The following TUBB8 variants were observed in gnomAD, a reference collection of about 807,000 sequenced individuals.
The protein encoded by TUBB8 is tubulin beta 8 class VIII, also known as tubulin beta-8 chain.
In TUBB8, 25 loss-of-function variants were observed where a neutral mutation model predicts 33.7. The observed-to-expected ratio is 0.74, with a 90% confidence interval of 0.54 to 1.04. The LOEUF (loss-of-function observed/expected upper bound fraction) is 1.04, where lower values mean the gene tolerates loss of function less well. Ranked by LOEUF, TUBB8 falls within the 50% of genes least tolerant of loss-of-function variation. TUBB8 has a pLI of 0.00. For synonymous variants in TUBB8, 245 were observed against 240.1 expected (o/e 1.02, Z -0.19); for missense variants, 279 against 608.0 (o/e 0.46, Z 5.69).
At chr10:71,582 T>C (rs575174111) in intron 1 of TUBB8, among the ~76,000 whole-genome samples, 1 of 150,558 alleles carries the variant, frequency 6.6e-6, no homozygotes, top group East Asian at 2.0e-4. Context: ...GATCTCACCA[T>C]TGCACTCCAG....
upstream of TUBB8, among the ~76,000 whole-genome samples, chr10:74,640 A>AAG (rs1834785533): frequency 6.8e-6 from 1 of 148,078 alleles, no homozygotes; most frequent in Non-Finnish European, 1.5e-5. Context: ...AAAAAAAAAA[A>AAG]AAAGAAAGAA....
At chr10:51,031 A>C (rs1356671091), upstream of TUBB8, among the ~76,000 whole-genome samples, 2 of 152,214 alleles carry the variant, frequency 1.3e-5, no homozygotes, top group African/African-American at 4.8e-5. Flanking sequence ...CCTAATTCCC[A>C]TATATTGTGG....
In TUBB8 at chr10:47,111, A is replaced by T. The variant is rs781927898; in HGVS notation, c.1281T>A (p.Asp427Glu). 9 of 1,498,498 alleles carry T rather than the reference A, an allele frequency of 6.0e-6. No individual in the cohort carries two copies. The highest frequency in any genetic ancestry group is 8.3e-6 in the Non-Finnish European group (9 of 1,081,344). 92.8% of individuals were successfully genotyped at this position (1,498,498 alleles called of 1,614,324 possible). The change falls in exon 4 of 4, where the codon GAT (aspartate) becomes GAA (glutamate). Residue 427 changes from aspartate (D) to glutamate (E), a missense_variant. This residue lies in a region of TUBB8 where 123 missense variants were observed against 228.9 expected (regional missense o/e 0.54). Transcript: ENST00000568584. Reference protein sequence around the residue: ...DLVSEYQQYQDATAEEEEDEE... With the variant: ...DLVSEYQQYQEATAEEEEDEE... ...CATCCTCCTCCTCCTCGGCCGTGGC[A>T]TCCTGATATTGCTGATATTCAGACA...
chr10:49,431 A>G (rs565228221), upstream of TUBB8: 510 of 711,364 alleles, frequency 7.2e-4, no homozygotes, highest in Middle Eastern at 2.2e-3. Context: ...GGCGCTGAAC[A>G]TCTGTTGGAA....
At chr10:61,435 C>T (rs1229353781) in intron 1 of TUBB8, among the ~76,000 whole-genome samples, 10 of 152,076 alleles carry the variant, frequency 6.6e-5, no homozygotes, top group Non-Finnish European at 1.3e-4. Flanking sequence ...ATTTTTTAAT[C>T]GATTTCTAGT....
chr10:52,081 T>C (rs1554739639), upstream of TUBB8, among the ~76,000 whole-genome samples: 1 of 152,240 alleles, frequency 6.6e-6, no homozygotes, highest in African/African-American at 2.4e-5. Context: ...TCCATTCTTC[T>C]CAATGTTCCC....
intron 1 of TUBB8, among the ~76,000 whole-genome samples, chr10:63,716 A>G (rs1834631527): frequency 6.6e-6 from 1 of 152,194 alleles, no homozygotes; most frequent in Non-Finnish European, 1.5e-5. Context: ...ATTTCTTCGA[A>G]TTACCTCAAC....
At position 48,793 on chromosome 10, in the gene TUBB8, G is replaced by A. The variant is rs368865511; in HGVS notation, c.166+11C>T. ...CCCAGGAGGGCGGTGGGGGAAGGAC[G>A]GGGGTCTCACCGCTGGCCTCGTTGT... On this transcript the variant is annotated intron_variant, in intron 2 of 3. Transcript: ENST00000568584. The A allele has an allele frequency of 6.8e-6, 11 of 1,611,274 alleles. No homozygotes were observed. The highest frequency in any genetic ancestry group is 1.8e-4 in the Middle Eastern group (1 of 5,422).
At chr10:68,811 G>A (rs1227760421) in intron 1 of TUBB8, among the ~76,000 whole-genome samples, 2 of 143,124 alleles carry the variant, frequency 1.4e-5, no homozygotes, top group African/African-American at 5.4e-5. Context: ...ATCCAATCCA[G>A]GGACCCATTT....
upstream of TUBB8, among the ~76,000 whole-genome samples, chr10:52,147 C>T (rs11252127): frequency 0.23 from 34,625 of 151,532 alleles, 3,116 homozygotes; most frequent in Middle Eastern, 0.34. Flanking sequence ...ACCCCCAGGT[C>T]TCTACTTTGG....
At position 48,382 on chromosome 10, in the gene TUBB8, C is replaced by T. The variant is rs868933397; in HGVS notation, c.277+233G>A. 3.8e-5 allele frequency: 24 copies of T among 635,732 alleles called. No individual in the cohort carries two copies. The Middle Eastern group carries it at 1.7e-3, about 46-fold the overall frequency. 39.4% of individuals were successfully genotyped at this position (635,732 alleles called of 1,614,324 possible). On this transcript the variant is annotated intron_variant, in intron 3 of 3. Coordinates refer to ENST00000568584, the MANE Select transcript of TUBB8 (RefSeq NM_177987.3). ...TCAGGAAAGGCAGTAGCCACGGCCC[C>T]AGCTCAGGTTCTTGCAGGGAGTTTA...
rs376645417 is a variant in TUBB8, at chr10:68,051, A to C, written c.-846+5918T>G. 7.2e-5 allele frequency among the ~76,000 whole-genome samples: 11 copies of C among 152,362 alleles called. No individual in the cohort carries two copies. The East Asian group carries it at 2.1e-3, about 29-fold the overall frequency. On this transcript the variant is annotated intron_variant, in intron 1 of 3. Coordinates refer to the TUBB8 transcript ENST00000564130. ...ATCAGGCATAAATACTGTGATGGTTAATTTTAGGTGTCAACTTTACCAGAT... is the reference window on the plus strand; with the variant it reads ...ATCAGGCATAAATACTGTGATGGTTCATTTTAGGTGTCAACTTTACCAGAT...
intron 1 of TUBB8, among the ~76,000 whole-genome samples, chr10:64,669 A>G (rs1834646824): frequency 6.6e-6 from 1 of 152,228 alleles, no homozygotes; most frequent in South Asian, 2.1e-4. Flanking sequence ...TTATGTTTGC[A>G]CTTCCTCTCA....
intron 1 of TUBB8, among the ~76,000 whole-genome samples, chr10:65,594 G>A (rs1348120861): frequency 1.3e-5 from 2 of 152,278 alleles, no homozygotes; most frequent in East Asian, 1.9e-4. Flanking sequence ...GCGTGGTGGC[G>A]GGAGCCTGTA....
chr10:71,102 A>C (rs1834729991), intron 1 of TUBB8, among the ~76,000 whole-genome samples: 1 of 152,252 alleles, frequency 6.6e-6, no homozygotes, highest in African/African-American at 2.4e-5. Context: ...ACTTGAGGTA[A>C]GGAGTTTGAG....
chr10:72,225 C>T (rs1294551495), intron 1 of TUBB8, among the ~76,000 whole-genome samples: 13,298 of 104,536 alleles, frequency 0.13, no homozygotes, highest in African/African-American at 0.26. Context: ...AACTCTGTCT[C>T]AAAAAACAAA....
At chr10:71,894 A>G (rs1554742365) in intron 1 of TUBB8, among the ~76,000 whole-genome samples, 1 of 151,218 alleles carries the variant, frequency 6.6e-6, no homozygotes, top group Non-Finnish European at 1.5e-5. Flanking sequence ...TGGGTGATAG[A>G]GCAAGACCTT....
upstream of TUBB8, among the ~76,000 whole-genome samples, chr10:75,406 C>T (rs1554743039): frequency 1.3e-5 from 2 of 150,154 alleles, no homozygotes; most frequent in Admixed American, 6.6e-5. Context: ...TGTAACCCCA[C>T]CACTTTGGGA....
chr10:50,906 G>A (rs1279733827), upstream of TUBB8, among the ~76,000 whole-genome samples: 3 of 152,146 alleles, frequency 2.0e-5, no homozygotes, highest in African/African-American at 7.2e-5. Context: ...TCTTCCTTGG[G>A]ATGGTCCAGG....
Sources: allele counts gnomAD v4.1 joint callset (sites outside exome capture counted in the v4.1 genomes callset), GRCh38; gene constraint gnomAD v4.1.1; regional missense constraint gnomAD v4.1.1; transcripts MANE v1.5; gene names NCBI Gene and HGNC (gene_info 2026-07-23, HGNC 2026-07-21).